The following ESCO2 variants were observed in gnomAD, a reference collection of about 807,000 sequenced individuals.
ESCO2 encodes establishment of sister chromatid cohesion N-acetyltransferase 2.
In ESCO2, 51 loss-of-function variants were observed where a neutral mutation model predicts 61.7. The ratio of observed to expected loss-of-function variants is 0.83; its 90% CI spans 0.66 to 1.04. ESCO2 has a LOEUF of 1.04. ESCO2 is among the 50% of genes least tolerant of loss of function. The pLI is 0.00. For synonymous variants in ESCO2, 230 were observed against 238.2 expected (o/e 0.97, Z 0.32); for missense variants, 692 against 686.2 (o/e 1.01, Z -0.09).
Position 27,777,069 on chromosome 8 carries a change from C to G in ESCO2, c.761C>G (p.Thr254Ser). Residue 254 changes from threonine to serine, a missense_variant, in exon 3 of 11, where the codon ACT becomes AGT. By Grantham distance (58) the Thr-to-Ser change is moderately conservative. Transcript: ENST00000305188. ...SDVETVSEKK[T>S]FATRQVPKCL... is the part of the protein sequence containing the mutation. ...GTAGAGACTGTCAGTGAAAAAAAAA[C>G]TTTTGCGACAAGGCAAGTGCCAAAG... 1 of 1,605,584 alleles carries G rather than the reference C, an allele frequency of 6.2e-7. No homozygotes were observed. Among genetic ancestry groups the G allele is most frequent in the Non-Finnish European group, 8.5e-7 (1 of 1,178,078 alleles).
At chr8:27,793,387 AAATC>A (rs2128956187) in intron 9 of ESCO2, among the ~76,000 whole-genome samples, 1 of 152,288 alleles carries the variant, frequency 6.6e-6, no homozygotes, top group East Asian at 1.9e-4. Flanking sequence ...TAAAATGACT[AAATC>A]AAGCTAATAT....
chr8:27,772,950 T>G (rs1324921483), upstream of ESCO2, among the ~76,000 whole-genome samples: 6 of 152,058 alleles, frequency 3.9e-5, no homozygotes, highest in Non-Finnish European at 8.8e-5. Flanking sequence ...ACCAGGACAA[T>G]ATGCCTCTTG....
Position 27,775,435 on chromosome 8 carries a change from G to T in ESCO2, c.-16-64G>T, listed in dbSNP as rs1431200398. Reference sequence around the variant, plus strand: ...GGTGTGAAATAGACTAATTAAAGGGGGTATAATTTTGATAAAGCGATTTTT... The same window carrying T: ...GGTGTGAAATAGACTAATTAAAGGGTGTATAATTTTGATAAAGCGATTTTT... On this transcript the variant is annotated intron_variant, in intron 1 of 10. Coordinates refer to ENST00000305188, the MANE Select transcript of ESCO2 (RefSeq NM_001017420.3). 4.5e-6 allele frequency: 6 copies of T among 1,338,954 alleles called. No homozygotes were observed. The East Asian group carries it at 1.1e-4, about 26-fold the overall frequency. 82.9% of individuals were successfully genotyped at this position (1,338,954 alleles called of 1,614,324 possible).
At chr8:27,772,404 G>T, upstream of ESCO2, 1 of 1,085,732 alleles carries the variant, frequency 9.2e-7, no homozygotes, top group Non-Finnish European at 1.4e-6. Flanking sequence ...AGAGGCACTC[G>T]CATCCAGAAG....
chr8:27,802,634 T>A (rs1199412044), intron 10 of ESCO2, among the ~76,000 whole-genome samples: 2,209 of 40,540 alleles, frequency 0.054, 87 homozygotes, highest in African/African-American at 0.14. Context: ...AAAAAAAATA[T>A]ATATATATAT....
intron 7 of ESCO2, among the ~76,000 whole-genome samples, chr8:27,789,642 G>C (rs199700700): frequency 6.6e-6 from 1 of 152,006 alleles, no homozygotes; most frequent in African/African-American, 2.4e-5. Context: ...TTAGCCAGGC[G>C]TGGTGGCGGG....
At chr8:27,783,844 C>G (rs915056135) in intron 4 of ESCO2, among the ~76,000 whole-genome samples, 156 bp from the exon 5 acceptor site, 1 of 152,196 alleles carries the variant, frequency 6.6e-6, no homozygotes, top group Non-Finnish European at 1.5e-5. Context: ...CCAGCACCAT[C>G]TGTTGAGGAC....
At chr8:27,816,236 G>A (rs1260609717), downstream of ESCO2, among the ~76,000 whole-genome samples, 2 of 151,752 alleles carry the variant, frequency 1.3e-5, no homozygotes, top group Admixed American at 6.6e-5. Flanking sequence ...GTAAGACTGT[G>A]TCTGTCTCAT....
intron 4 of ESCO2, 93 bp from the exon 5 acceptor site, chr8:27,783,907 G>A (rs1804978854): frequency 1.8e-6 from 2 of 1,135,534 alleles, no homozygotes; most frequent in Admixed American, 1.7e-5. Flanking sequence ...TTGATCTTGA[G>A]TATTATTTTG....
chr8:27,813,398 ACATGTAT>A (rs1308187484), downstream of ESCO2, among the ~76,000 whole-genome samples: 1,441 of 152,292 alleles, frequency 9.5e-3, 25 homozygotes, highest in African/African-American at 0.032. Context: ...CCAACATGGC[ACATGTAT>A]ACCTATGTAA....
Position 27,775,479 on chromosome 8 carries a change from G to T in ESCO2, c.-16-20G>T, listed in dbSNP as rs760397891. 1 of 1,592,002 alleles carries T rather than the reference G, an allele frequency of 6.3e-7. No individual in the cohort carries two copies. Among genetic ancestry groups the T allele is most frequent in the Non-Finnish European group, 8.6e-7 (1 of 1,159,908 alleles). ...GATTTTTAATATTTTGATGAATGTG[G>T]TTATTGTCATTTCTTTTAGGAATTC... is the stretch of plus-strand genomic sequence containing the variant. On this transcript the variant is annotated intron_variant, in intron 1 of 10. Transcript: ENST00000305188.
At chr8:27,807,491 G>A (rs757578353), downstream of ESCO2, among the ~76,000 whole-genome samples, 12 of 152,022 alleles carry the variant, frequency 7.9e-5, no homozygotes, top group Non-Finnish European at 1.5e-4. Context: ...TCTTTTTAAT[G>A]TTATTGGCTT....
At chr8:27,799,505 G>A in intron 9 of ESCO2, 36 bp from the exon 10 acceptor site, 1 of 1,608,212 alleles carries the variant, frequency 6.2e-7, no homozygotes, top group Non-Finnish European at 8.5e-7. Flanking sequence ...ACTCATCTGT[G>A]GTGTTAGCTA....
downstream of ESCO2, chr8:27,810,569 A>C: frequency 2.3e-6 from 2 of 855,862 alleles, no homozygotes; most frequent in Non-Finnish European, 3.7e-6. Context: ...TTAATAGCTC[A>C]CCCTTCTCCT....
chr8:27,792,969 A>G (rs1325026441), intron 9 of ESCO2, among the ~76,000 whole-genome samples, 158 bp downstream of exon 9: 3 of 152,180 alleles, frequency 2.0e-5, no homozygotes, highest in Non-Finnish European at 2.9e-5. Context: ...ATTTCCATTA[A>G]TATTTGGAAT....
Position 27,776,967 on chromosome 8 carries a change from G to C in ESCO2, c.659G>C (p.Arg220Thr). ...AFFVRKKSSL[R>T]KSSLENEPSL... ...TTTGTTAGAAAAAAATCTTCTCTTA[G>C]AAAATCGTCCCTGGAAAATGAGCCG... Residue 220 changes from arginine to threonine, a missense_variant, in exon 3 of 11, where the codon AGA becomes ACA. Physicochemically the swap from Arg to Thr is moderately conservative, Grantham distance 71. Coordinates refer to ENST00000305188, the MANE Select transcript of ESCO2 (RefSeq NM_001017420.3). 1.2e-6 allele frequency: 2 copies of C among 1,613,042 alleles called. No homozygotes were observed. The highest frequency in any genetic ancestry group is 1.7e-6 in the Non-Finnish European group (2 of 1,179,752).
At chr8:27,814,531 C>T (rs765303788), downstream of ESCO2, among the ~76,000 whole-genome samples, 1 of 152,014 alleles carries the variant, frequency 6.6e-6, no homozygotes, top group African/African-American at 2.4e-5. Context: ...GATTTCTGCT[C>T]ATAGCTTTAT....
chr8:27,796,127 G>C (rs988830695), intron 9 of ESCO2, among the ~76,000 whole-genome samples: 1 of 149,240 alleles, frequency 6.7e-6, no homozygotes, highest in Non-Finnish European at 1.5e-5. Context: ...CCTTTTTATT[G>C]GTTAGTTTAG....
intron 3 of ESCO2, 72 bp from the exon 4 acceptor site, chr8:27,780,102 T>C: frequency 1.2e-6 from 1 of 852,486 alleles, no homozygotes; most frequent in Non-Finnish European, 2.0e-6. Flanking sequence ...GAAATAGATC[T>C]GCTGGGATTC....
Sources: gnomAD v4.1 joint callset for allele counts (sites outside exome capture counted in the v4.1 genomes callset) on GRCh38, gnomAD v4.1.1 for gene constraint, MANE v1.5 for transcripts, NCBI Gene and HGNC (gene_info 2026-07-23, HGNC 2026-07-21) for gene names.